Variants in ARPP21 observed in about 807,000 individuals in gnomAD.
ARPP21 encodes cAMP-regulated phosphoprotein 21.
ARPP21 carries 69 observed loss-of-function variants against 113.2 expected under a neutral mutation model. The ratio of observed to expected loss-of-function variants is 0.61; its 90% CI spans 0.50 to 0.74. ARPP21 has a LOEUF of 0.74. Among genes scored for constraint, ARPP21 ranks in the 30% least tolerant of loss-of-function variants. The pLI is 0.00. For synonymous variants in ARPP21, 368 were observed against 375.5 expected (o/e 0.98, Z 0.23); for missense variants, 1,070 against 1,037.4 (o/e 1.03, Z -0.43).
intron 6 of ARPP21, among the ~76,000 whole-genome samples, chr3:35,688,864 TCATAA>T (rs1377669700): frequency 1.3e-5 from 2 of 149,074 alleles, no homozygotes; most frequent in Non-Finnish European, 3.0e-5. Context: ...ATAGATAGTC[TCATAA>T]CAGAACATTC....
chr3:35,661,362 G>A (rs2042871122), intron 1 of ARPP21, among the ~76,000 whole-genome samples: 2 of 149,132 alleles, frequency 1.3e-5, no homozygotes, highest in South Asian at 4.4e-4. Flanking sequence ...TATCCACAAG[G>A]AGAAATGGCA....
chr3:35,680,393 G>C (rs2078562393), intron 2 of ARPP21, among the ~76,000 whole-genome samples: 2 of 151,810 alleles, frequency 1.3e-5, no homozygotes, highest in African/African-American at 4.8e-5. Flanking sequence ...CCATCCTTTT[G>C]GAAAACCTCC....
At chr3:35,676,813 T>A (rs2077612294) in intron 1 of ARPP21, among the ~76,000 whole-genome samples, 1 of 151,910 alleles carries the variant, frequency 6.6e-6, no homozygotes, top group African/African-American at 2.4e-5. Flanking sequence ...TAAACTTAAT[T>A]TTAAAGGTTC....
At chr3:35,654,009 A>G (rs1248387161) in intron 1 of ARPP21, among the ~76,000 whole-genome samples, 1 of 152,006 alleles carries the variant, frequency 6.6e-6, no homozygotes, top group Non-Finnish European at 1.5e-5. Flanking sequence ...TAAGGAAAAA[A>G]TACTACGGCA....
chr3:35,655,208 T>C (rs1704259397), intron 1 of ARPP21, among the ~76,000 whole-genome samples: 1 of 152,058 alleles, frequency 6.6e-6, no homozygotes, highest in African/African-American at 2.4e-5. Context: ...TAACAGAAAA[T>C]AAATGTGCAT....
chr3:35,721,933 G>A, intron 14 of ARPP21, 99 bp downstream of exon 14: 2 of 720,592 alleles, frequency 2.8e-6, no homozygotes, highest in South Asian at 4.2e-5. Context: ...GACTGATAAT[G>A]ATGATATTAA....
chr3:35,642,161 G>T (rs1249212265), intron 1 of ARPP21: 1 of 152,146 alleles, frequency 6.6e-6, no homozygotes, highest in Non-Finnish European at 1.5e-5. Context: ...AGACAGAATT[G>T]TATGTGCTAT....
intron 9 of ARPP21, among the ~76,000 whole-genome samples, chr3:35,705,871 G>T (rs1279550111): frequency 1.3e-5 from 2 of 151,884 alleles, no homozygotes; most frequent in Non-Finnish European, 2.9e-5. Context: ...ACGTATTTAA[G>T]GAAAGAAAAA....
chr3:35,722,071 A>G (rs2093130025), intron 14 of ARPP21, among the ~76,000 whole-genome samples: 1 of 152,192 alleles, frequency 6.6e-6, no homozygotes, highest in African/African-American at 2.4e-5. Context: ...TGTAGGTTAT[A>G]TAATGTTATT....
chr3:35,696,285 G>A (rs1647980703), intron 9 of ARPP21, among the ~76,000 whole-genome samples: 1 of 151,564 alleles, frequency 6.6e-6, no homozygotes, highest in South Asian at 2.1e-4. Context: ...GTTCATTTGG[G>A]AAACAGTTCA....
intron 1 of ARPP21, among the ~76,000 whole-genome samples, chr3:35,653,321 C>T (rs1703280936): frequency 1.3e-5 from 2 of 151,778 alleles, no homozygotes; most frequent in Admixed American, 1.3e-4. Context: ...TATGAATTAC[C>T]CTGTAATATG....
At chr3:35,759,668 T>TTC (rs66771543) in intron 19 of ARPP21, among the ~76,000 whole-genome samples, 20 of 138,514 alleles carry the variant, frequency 1.4e-4, no homozygotes, top group African/African-American at 4.0e-4. Flanking sequence ...TCCTTTCATT[T>TTC]TCTCTCTCTG....
chr3:35,681,537 G>C (rs939894182), intron 2 of ARPP21, 177 bp from the exon 3 acceptor site: 2 of 519,188 alleles, frequency 3.9e-6, no homozygotes, highest in Non-Finnish European at 6.9e-6. Context: ...TGGGACAACT[G>C]CATCTGCCTC....
chr3:35,737,191 G>A lies in ARPP21; in HGVS notation c.1473G>A (p.Val491=), dbSNP rs771940732. The part of the protein sequence containing the change: ...LLNPHTGQPF[V]NPDGTPAIYN... ...ATTCCATTGCAGGCCAGCCCTTTGT[G>A]AATCCCGATGGAACTCCTGCAATAT... The change falls in exon 16 of 21, where the codon GTG becomes GTA. Residue 491 remains valine (V), a synonymous_variant. Transcript: ENST00000684406. 1.2e-6 allele frequency: 2 copies of A among 1,607,362 alleles called. No individual in the cohort carries two copies. Among genetic ancestry groups the A allele is most frequent in the Admixed American group, 3.4e-5 (2 of 59,596 alleles).
intron 10 of ARPP21, among the ~76,000 whole-genome samples, chr3:35,707,899 G>A (rs1030245731): frequency 6.6e-6 from 1 of 151,696 alleles, no homozygotes; most frequent in African/African-American, 2.4e-5. Flanking sequence ...ACAATAGAAA[G>A]TCATATAAAT....
rs28698221 is a variant in ARPP21 at position 35,692,838 on chromosome 3, G to T, written c.686+1833G>T. ...AAAATTCAGTTCCTCTATCAGGTGA[G>T]CCACATTTCAAGCAGCTATTGGATA... is the stretch of plus-strand genomic sequence containing the variant. On this transcript the variant is annotated intron_variant, in intron 9 of 20. Transcript: ENST00000684406. Among the ~76,000 whole-genome samples the T allele has an allele frequency of 7.0e-3, 1,057 of 151,580 alleles. 17 individuals carry two copies. Among genetic ancestry groups the T allele is most frequent in the African/African-American group, 0.024 (997 of 41,396 alleles).
intron 1 of ARPP21, among the ~76,000 whole-genome samples, chr3:35,663,331 A>T (rs148678210): frequency 6.6e-6 from 1 of 152,312 alleles, no homozygotes; most frequent in East Asian, 1.9e-4. Context: ...TGGAAATAAC[A>T]ATCAATCACC....
At chr3:35,790,683 C>G (rs1327208508) in intron 19 of ARPP21, among the ~76,000 whole-genome samples, 1 of 152,150 alleles carries the variant, frequency 6.6e-6, no homozygotes, top group Non-Finnish European at 1.5e-5. Context: ...CTGAGCTGAT[C>G]TTGTTATTCT....
chr3:35,719,620 T>G (rs1367308166), intron 13 of ARPP21, among the ~76,000 whole-genome samples: 3 of 152,160 alleles, frequency 2.0e-5, no homozygotes, highest in Non-Finnish European at 4.4e-5. Context: ...AAGTCTGGAT[T>G]CCTGCCATGG....
Sources: gnomAD v4.1 joint callset for allele counts (sites outside exome capture counted in the v4.1 genomes callset) on GRCh38, gnomAD v4.1.1 for gene constraint, MANE v1.5 for transcripts, NCBI Gene and HGNC (gene_info 2026-07-23, HGNC 2026-07-21) for gene names.